SUGCT: variants seen among roughly 807,000 people sequenced by gnomAD.
SUGCT encodes succinyl-CoA:glutarate-CoA transferase, also known as succinyl-CoA:glutarate CoA-transferase.
A neutral mutation model predicts 55.0 loss-of-function variants in SUGCT; 41 were observed. The ratio of observed to expected loss-of-function variants is 0.74; its 90% CI spans 0.58 to 0.97. The LOEUF (loss-of-function observed/expected upper bound fraction) is 0.97, where lower values mean the gene tolerates loss of function less well. Among genes scored for constraint, SUGCT ranks in the 50% least tolerant of loss-of-function variants. The probability of loss-of-function intolerance (pLI) is 0.00; values close to 1 mark genes in which losing one functional copy is unlikely to be tolerated. For synonymous variants in SUGCT, 187 were observed against 200.4 expected (o/e 0.93, Z 0.56); for missense variants, 568 against 547.8 (o/e 1.04, Z -0.37).
intron 7 of SUGCT, among the ~76,000 whole-genome samples, chr7:40,264,517 T>C (rs968338080): frequency 6.6e-6 from 1 of 152,170 alleles, no homozygotes; most frequent in African/African-American, 2.4e-5. Flanking sequence ...GTGAATGCAG[T>C]GACTGTGAGG....
chr7:40,145,680 A>G (rs1206012393), intron 1 of SUGCT, among the ~76,000 whole-genome samples: 1 of 152,218 alleles, frequency 6.6e-6, no homozygotes, highest in Non-Finnish European at 1.5e-5. Context: ...TGGGATTTCA[A>G]TTATTCTTTG....
At chr7:40,464,692 C>G (rs1183776698) in intron 11 of SUGCT, among the ~76,000 whole-genome samples, 1 of 152,184 alleles carries the variant, frequency 6.6e-6, no homozygotes, top group African/African-American at 2.4e-5. Flanking sequence ...AAAAATTTAA[C>G]TGGCCCTGCT....
At chr7:40,279,466 C>T (rs933537970) in intron 8 of SUGCT, among the ~76,000 whole-genome samples, 1 of 152,048 alleles carries the variant, frequency 6.6e-6, no homozygotes, top group African/African-American at 2.4e-5. Flanking sequence ...GTTGGGGAAG[C>T]AATCTACAAA....
At chr7:40,142,312 C>A (rs1036125215) in intron 1 of SUGCT, among the ~76,000 whole-genome samples, 1 of 152,194 alleles carries the variant, frequency 6.6e-6, no homozygotes, top group Admixed American at 6.5e-5. Flanking sequence ...CAAACTGATT[C>A]TTTGAAGAGA....
intron 9 of SUGCT, among the ~76,000 whole-genome samples, chr7:40,402,210 G>A (rs187862066): frequency 2.4e-4 from 36 of 151,742 alleles, no homozygotes; most frequent in African/African-American, 7.7e-4. Flanking sequence ...AGGAAAGGCC[G>A]TTCTAGAACG....
intron 7 of SUGCT, among the ~76,000 whole-genome samples, chr7:40,255,909 G>C (rs1168000374): frequency 3.3e-5 from 5 of 152,056 alleles, no homozygotes; most frequent in African/African-American, 1.2e-4. Flanking sequence ...TACTATGAAT[G>C]CTCACCTGAT....
At chr7:40,639,294 C>A (rs1800158074) in intron 12 of SUGCT, among the ~76,000 whole-genome samples, 1 of 151,832 alleles carries the variant, frequency 6.6e-6, no homozygotes. Flanking sequence ...TAGCGCCCAG[C>A]AAAAAAATCA....
chr7:40,555,337 A>G (rs931805735), intron 12 of SUGCT, among the ~76,000 whole-genome samples: 1 of 151,160 alleles, frequency 6.6e-6, no homozygotes, highest in Non-Finnish European at 1.5e-5. Flanking sequence ...GCCTCATGGA[A>G]TTCTGAGCCT....
intron 7 of SUGCT, among the ~76,000 whole-genome samples, chr7:40,272,793 G>C (rs1040685275): frequency 3.3e-5 from 5 of 151,482 alleles, no homozygotes; most frequent in Non-Finnish European, 5.9e-5. Context: ...CTGAGTAGCC[G>C]GGATTACATA....
chr7:40,387,325 A>G (rs954267609), intron 9 of SUGCT, among the ~76,000 whole-genome samples: 1 of 152,112 alleles, frequency 6.6e-6, no homozygotes, highest in African/African-American at 2.4e-5. Context: ...GGGGAACTAG[A>G]GCTCTGTAAC....
intron 9 of SUGCT, among the ~76,000 whole-genome samples, chr7:40,351,794 T>G (rs1346980627): frequency 1.3e-5 from 2 of 152,206 alleles, no homozygotes; most frequent in Non-Finnish European, 2.9e-5. Context: ...AATTTGCTAC[T>G]CTTGTATGGC....
At chr7:40,339,779 G>C (rs1216987318) in intron 9 of SUGCT, among the ~76,000 whole-genome samples, 1 of 152,202 alleles carries the variant, frequency 6.6e-6, no homozygotes, top group Admixed American at 6.5e-5. Context: ...ACAAGTCCCA[G>C]TGAGATGAAC....
intron 13 of SUGCT, among the ~76,000 whole-genome samples, chr7:40,771,893 T>A (rs1057112653): frequency 1.3e-5 from 2 of 152,206 alleles, no homozygotes; most frequent in African/African-American, 4.8e-5. Context: ...GATGGAATAC[T>A]TTTGTGAATT....
At chr7:40,403,752 G>T (rs1242141577) in intron 9 of SUGCT, among the ~76,000 whole-genome samples, 1 of 152,148 alleles carries the variant, frequency 6.6e-6, no homozygotes, top group Non-Finnish European at 1.5e-5. Flanking sequence ...CTTCATAGTA[G>T]AATGGAACTA....
chr7:40,830,072 C>T (rs1346258814), intron 13 of SUGCT, among the ~76,000 whole-genome samples: 1 of 152,138 alleles, frequency 6.6e-6, no homozygotes, highest in African/African-American at 2.4e-5. Context: ...TGAGCACACC[C>T]AATTGGCTCT....
chr7:40,638,093 C>T (rs892037227), intron 12 of SUGCT, among the ~76,000 whole-genome samples: 1 of 152,306 alleles, frequency 6.6e-6, no homozygotes, highest in Middle Eastern at 3.4e-3. Context: ...CTGTCAGTCC[C>T]TGTTTCTGTA....
chr7:40,602,212 C>T (rs1798326995), intron 12 of SUGCT, among the ~76,000 whole-genome samples: 1 of 152,140 alleles, frequency 6.6e-6, no homozygotes, highest in African/African-American at 2.4e-5. Context: ...ACCAACCAAC[C>T]AACCCCCAAA....
At chr7:40,277,919 A>G (rs1415493101) in intron 8 of SUGCT, among the ~76,000 whole-genome samples, 3 of 151,632 alleles carry the variant, frequency 2.0e-5, no homozygotes, top group Admixed American at 2.0e-4. Context: ...ATTCCCATCT[A>G]TGAGTGAGAA....
chr7:40,976,910 C>G, the SUGCT span, among the ~76,000 whole-genome samples: 11 of 152,222 alleles, frequency 7.2e-5, no homozygotes, highest in Admixed American at 7.2e-4. Context: ...CACATGCACC[C>G]TCTTTCCTTG....
Sources: allele counts gnomAD v4.1 joint callset (sites outside exome capture counted in the v4.1 genomes callset), GRCh38; gene constraint gnomAD v4.1.1; transcripts MANE v1.5; gene names NCBI Gene and HGNC (gene_info 2026-07-23, HGNC 2026-07-21).